NRG3: variants seen among roughly 807,000 people sequenced by gnomAD.
The protein encoded by NRG3 is pro-neuregulin-3, membrane-bound isoform.
NRG3 carries 31 observed loss-of-function variants against 66.9 expected under a neutral mutation model. The observed-to-expected ratio is 0.46, with a 90% CI of 0.35 to 0.63. NRG3 has a LOEUF of 0.63. Ranked by LOEUF, NRG3 falls within the 20% of genes least tolerant of loss-of-function variation. NRG3 has a pLI of 0.00. For synonymous variants in NRG3, 393 were observed against 359.4 expected (o/e 1.09, Z -1.06); for missense variants, 910 against 878.9 (o/e 1.04, Z -0.45).
intron 2 of NRG3, among the ~76,000 whole-genome samples, chr10:82,660,838 G>T (rs573503268): frequency 6.6e-6 from 1 of 152,134 alleles, no homozygotes; most frequent in African/African-American, 2.4e-5. Context: ...AGAATGGTCT[G>T]TAGTTTTCTT....
chr10:82,536,149 C>T (rs973059993), intron 2 of NRG3, among the ~76,000 whole-genome samples: 2 of 152,100 alleles, frequency 1.3e-5, no homozygotes, highest in African/African-American at 4.8e-5. Flanking sequence ...ATTGATCAGC[C>T]TTTCTGTGTT....
chr10:82,713,102 A>G (rs112665163), intron 2 of NRG3, among the ~76,000 whole-genome samples: 1 of 134,742 alleles, frequency 7.4e-6, no homozygotes, highest in Admixed American at 8.0e-5. Flanking sequence ...CCTGGGTGAC[A>G]GAATGAGACT....
intron 1 of NRG3, among the ~76,000 whole-genome samples, chr10:82,087,202 G>T (rs1006867551): frequency 2.6e-5 from 2 of 77,870 alleles, no homozygotes; most frequent in African/African-American, 8.1e-5. Context: ...GAATCCTTTT[G>T]ACAATTGTAT....
At chr10:82,496,972 T>A (rs773285369) in intron 2 of NRG3, among the ~76,000 whole-genome samples, 1 of 152,208 alleles carries the variant, frequency 6.6e-6, no homozygotes, top group Non-Finnish European at 1.5e-5. Context: ...GAATTAACTT[T>A]GATTTTTTTC....
chr10:82,363,543 C>T (rs1212972000), intron 2 of NRG3, among the ~76,000 whole-genome samples: 2 of 152,220 alleles, frequency 1.3e-5, no homozygotes, highest in Non-Finnish European at 2.9e-5. Flanking sequence ...GCAAACTCCG[C>T]TTCCCAGGTT....
intron 2 of NRG3, among the ~76,000 whole-genome samples, chr10:82,527,398 G>A (rs906302462): frequency 6.6e-6 from 1 of 152,110 alleles, no homozygotes; most frequent in African/African-American, 2.4e-5. Context: ...GCATTACAAT[G>A]GTAAAGATAG....
At chr10:82,843,912 T>C (rs906839487) in intron 3 of NRG3, among the ~76,000 whole-genome samples, 4 of 152,218 alleles carry the variant, frequency 2.6e-5, no homozygotes, top group Admixed American at 1.3e-4. Flanking sequence ...TAAACCTATC[T>C]ACATAGCAAC....
chr10:82,648,183 A>G (rs952611412), intron 2 of NRG3, among the ~76,000 whole-genome samples: 6 of 152,154 alleles, frequency 3.9e-5, no homozygotes, highest in African/African-American at 1.4e-4. Flanking sequence ...ATTTTTGTGT[A>G]AGGTGTAAGA....
chr10:82,981,299 G>A (rs1294736907), intron 8 of NRG3, among the ~76,000 whole-genome samples: 1 of 152,200 alleles, frequency 6.6e-6, no homozygotes, highest in Non-Finnish European at 1.5e-5. Flanking sequence ...CCAGTTGCCT[G>A]GCCACAGGTA....
intron 1 of NRG3, among the ~76,000 whole-genome samples, chr10:82,089,772 G>T (rs375456306): frequency 6.6e-6 from 1 of 152,212 alleles, no homozygotes; most frequent in Non-Finnish European, 1.5e-5. Flanking sequence ...AGTTGAAGAT[G>T]TGTAGATTTA....
intron 2 of NRG3, among the ~76,000 whole-genome samples, chr10:82,483,757 C>A (rs939320808): frequency 6.6e-6 from 1 of 152,184 alleles, no homozygotes; most frequent in Admixed American, 6.5e-5. Flanking sequence ...GGGAAATAAT[C>A]TCTGGCTACC....
At chr10:82,404,677 T>G (rs112501085) in intron 2 of NRG3, among the ~76,000 whole-genome samples, 1 of 152,302 alleles carries the variant, frequency 6.6e-6, no homozygotes, top group African/African-American at 2.4e-5. Flanking sequence ...TTCTGTATAT[T>G]TGCTAAGGGA....
intron 5 of NRG3, among the ~76,000 whole-genome samples, chr10:82,954,026 A>G (rs1434578527): frequency 6.6e-6 from 1 of 151,718 alleles, no homozygotes; most frequent in South Asian, 2.1e-4. Context: ...TAAATACCCA[A>G]TGGAGGCTTG....
intron 2 of NRG3, among the ~76,000 whole-genome samples, chr10:82,555,390 A>G (rs2044586040): frequency 6.6e-6 from 1 of 152,224 alleles, no homozygotes; most frequent in Non-Finnish European, 1.5e-5. Flanking sequence ...TTGTATTAAA[A>G]AATGAGTCAA....
chr10:82,792,348 A>G (rs2060620763), intron 3 of NRG3, among the ~76,000 whole-genome samples: 1 of 152,166 alleles, frequency 6.6e-6, no homozygotes, highest in African/African-American at 2.4e-5. Context: ...ATGTGAATTT[A>G]TCTTTCATTA....
intron 1 of NRG3, among the ~76,000 whole-genome samples, chr10:82,215,059 T>C (rs1470481296): frequency 6.6e-6 from 1 of 152,202 alleles, no homozygotes; most frequent in Non-Finnish European, 1.5e-5. Flanking sequence ...TAAGAACATG[T>C]ACATCTCTGA....
At chr10:82,470,843 C>G (rs1478262901) in intron 2 of NRG3, among the ~76,000 whole-genome samples, 1 of 152,148 alleles carries the variant, frequency 6.6e-6, no homozygotes, top group Non-Finnish European at 1.5e-5. Flanking sequence ...AGCTTCCAAC[C>G]CTGCCTCCTC....
At chr10:82,433,243 G>A (rs759480968) in intron 2 of NRG3, among the ~76,000 whole-genome samples, 21 of 151,922 alleles carry the variant, frequency 1.4e-4, no homozygotes, top group Non-Finnish European at 8.8e-5. Flanking sequence ...TCATATGTTC[G>A]ATGGCCACGT....
At chr10:82,047,568 C>G (rs2063362330) in intron 1 of NRG3, among the ~76,000 whole-genome samples, 2 of 151,308 alleles carry the variant, frequency 1.3e-5, no homozygotes, top group African/African-American at 4.9e-5. Flanking sequence ...TTTGTCACCA[C>G]CAGGCCTGCC....
Sources: allele counts gnomAD v4.1 joint callset (sites outside exome capture counted in the v4.1 genomes callset), GRCh38; gene constraint gnomAD v4.1.1; transcripts MANE v1.5; gene names NCBI Gene and HGNC (gene_info 2026-07-23, HGNC 2026-07-21).